Variants in C12orf42 observed in about 807,000 individuals in gnomAD.
C12orf42 encodes the protein uncharacterized protein C12orf42.
In C12orf42, 25 loss-of-function variants were observed where a neutral mutation model predicts 21.6. The ratio of observed to expected loss-of-function variants is 1.16; its 90% CI spans 0.84 to 1.62. The LOEUF (loss-of-function observed/expected upper bound fraction) is 1.62, where lower values mean the gene tolerates loss of function less well. C12orf42 is among the 40% of genes most tolerant of loss of function. C12orf42 has a pLI of 0.00. For missense variants in C12orf42, 483 were observed against 459.3 expected, an observed-to-expected ratio of 1.05 and a Z score of -0.47; for synonymous variants, 174 against 175.0, an observed-to-expected ratio of 0.99 and a Z score of 0.05.
At chr12:103,092,376 T>A in the C12orf42 span, among the ~76,000 whole-genome samples, 18 of 152,164 alleles carry the variant, frequency 1.2e-4, no homozygotes, top group African/African-American at 4.1e-4. Flanking sequence ...AAACAGCATA[T>A]GAATTTGGGA....
chr12:103,228,226 G>A, the C12orf42 span, among the ~76,000 whole-genome samples: 2 of 152,084 alleles, frequency 1.3e-5, no homozygotes, highest in African/African-American at 2.4e-5. Context: ...AGATAAGGGT[G>A]GGGCCATTTT....
chr12:103,315,090 G>A (rs1029170497), intron 4 of C12orf42, among the ~76,000 whole-genome samples: 9 of 152,046 alleles, frequency 5.9e-5, no homozygotes, highest in African/African-American at 2.2e-4. Context: ...AACACAACCC[G>A]ACATCTAGCC....
At chr12:103,328,136 C>T (rs1020265125) in intron 4 of C12orf42, among the ~76,000 whole-genome samples, 5 of 152,136 alleles carry the variant, frequency 3.3e-5, no homozygotes, top group African/African-American at 1.2e-4. Flanking sequence ...AACATCATAA[C>T]ATGTTAGCAA....
chr12:103,462,785 G>C (rs753136516), intron 2 of C12orf42, among the ~76,000 whole-genome samples: 5 of 152,158 alleles, frequency 3.3e-5, no homozygotes, highest in Non-Finnish European at 7.3e-5. Context: ...ACAAATGGTA[G>C]GGTCATTGCT....
intron 4 of C12orf42, among the ~76,000 whole-genome samples, chr12:103,348,128 T>C (rs976015638): frequency 6.6e-6 from 1 of 152,212 alleles, no homozygotes; most frequent in East Asian, 1.9e-4. Flanking sequence ...CACTGATGTG[T>C]AAGGCAGGCC....
At chr12:103,527,384 G>A in the C12orf42 span, among the ~76,000 whole-genome samples, 1 of 152,106 alleles carries the variant, frequency 6.6e-6, no homozygotes, top group African/African-American at 2.4e-5. Flanking sequence ...CCCTAATGTT[G>A]GCGGTGGGGC....
At chr12:103,490,443 T>C (rs916536776) in intron 1 of C12orf42, among the ~76,000 whole-genome samples, 1 of 152,192 alleles carries the variant, frequency 6.6e-6, no homozygotes, top group South Asian at 2.1e-4. Context: ...TTTTAAACTA[T>C]TGCATTTTGT....
At chr12:103,221,167 G>A in the C12orf42 span, among the ~76,000 whole-genome samples, 1 of 152,174 alleles carries the variant, frequency 6.6e-6, no homozygotes, top group African/African-American at 2.4e-5. Flanking sequence ...CACACAGAGA[G>A]GATTATAGAA....
the C12orf42 span, among the ~76,000 whole-genome samples, chr12:103,507,558 G>A: frequency 6.6e-6 from 1 of 150,906 alleles, no homozygotes; most frequent in Admixed American, 6.7e-5. Flanking sequence ...CACACCTGTA[G>A]TTCCAAGCTA....
chr12:103,323,008 A>G (rs930677224), intron 4 of C12orf42, among the ~76,000 whole-genome samples: 1 of 152,228 alleles, frequency 6.6e-6, no homozygotes, highest in African/African-American at 2.4e-5. Flanking sequence ...TCTGCAGATG[A>G]TGAAGAAATA....
At chr12:103,359,987 C>T (rs1476900961) in intron 4 of C12orf42, among the ~76,000 whole-genome samples, 1 of 151,496 alleles carries the variant, frequency 6.6e-6, no homozygotes, top group East Asian at 2.0e-4. Flanking sequence ...CTAGTCATCC[C>T]CTTTCCCTTA....
chr12:103,274,268 C>T (rs972400156), intron 5 of C12orf42, among the ~76,000 whole-genome samples: 1 of 152,158 alleles, frequency 6.6e-6, no homozygotes, highest in African/African-American at 2.4e-5. Flanking sequence ...ATCTGTGATG[C>T]CTGTGCTGCT....
At chr12:103,168,127 G>A in the C12orf42 span, 3 of 455,540 alleles carry the variant, frequency 6.6e-6, no homozygotes, top group South Asian at 3.1e-5. Flanking sequence ...TAAAGTTGAT[G>A]TACATTAAGA....
intron 2 of C12orf42, among the ~76,000 whole-genome samples, chr12:103,424,838 C>A (rs1030483510): frequency 6.6e-6 from 1 of 152,156 alleles, no homozygotes; most frequent in African/African-American, 2.4e-5. Flanking sequence ...CGAGACAGAA[C>A]CATTCATTGC....
intron 4 of C12orf42, among the ~76,000 whole-genome samples, chr12:103,355,086 C>T (rs183016496): frequency 3.9e-5 from 6 of 152,196 alleles, no homozygotes; most frequent in African/African-American, 1.2e-4. Context: ...ATTTGTTGAA[C>T]TGTATCATAG....
At chr12:103,054,150 G>A in the C12orf42 span, among the ~76,000 whole-genome samples, 6 of 151,846 alleles carry the variant, frequency 4.0e-5, no homozygotes, top group East Asian at 9.6e-4. Flanking sequence ...GATAGTGATT[G>A]CATTGAACCT....
the C12orf42 span, among the ~76,000 whole-genome samples, chr12:103,053,091 G>T: frequency 6.6e-6 from 1 of 151,968 alleles, no homozygotes; most frequent in Non-Finnish European, 1.5e-5. Context: ...TCACTGTGAT[G>T]TTATTCTACA....
chr12:103,227,230 C>T, the C12orf42 span, among the ~76,000 whole-genome samples: 1 of 151,638 alleles, frequency 6.6e-6, no homozygotes, highest in Non-Finnish European at 1.5e-5. Flanking sequence ...TCTTACCTTC[C>T]AGAAAAGTGG....
At chr12:103,452,922 T>C (rs9669225) in intron 2 of C12orf42, among the ~76,000 whole-genome samples, 119,330 of 151,472 alleles carry the variant, frequency 0.79, 47,443 homozygotes, top group East Asian at 0.87. Context: ...ATATACCTAA[T>C]GTAAATGACG....
Sources: allele counts gnomAD v4.1 joint callset (sites outside exome capture counted in the v4.1 genomes callset), GRCh38; gene constraint gnomAD v4.1.1; transcripts MANE v1.5; gene names NCBI Gene and HGNC (gene_info 2026-07-23, HGNC 2026-07-21).